SLC27A2: variants seen among roughly 807,000 people sequenced by gnomAD.
The protein encoded by SLC27A2 is long-chain fatty acid transport protein 2.
In SLC27A2, 54 loss-of-function variants were observed where a neutral mutation model predicts 60.0. That is an observed-to-expected ratio of 0.90 (90% CI 0.72 to 1.13). The LOEUF is 1.13. Among genes scored for constraint, SLC27A2 ranks in the 50% most tolerant of loss-of-function variants. The pLI is 0.00. For missense variants in SLC27A2, 739 were observed against 777.6 expected, an observed-to-expected ratio of 0.95 and a Z score of 0.59; for synonymous variants, 297 against 297.6, an observed-to-expected ratio of 1.00 and a Z score of 0.02.
chr15:50,197,580 A>G lies in SLC27A2; in HGVS notation c.559A>G (p.Asn187Asp), dbSNP rs2045033691. Residue 187 changes from asparagine to aspartate, a missense_variant, in exon 2 of 10, where the codon AAC becomes GAC. By Grantham distance (23) the Asn-to-Asp change is conservative. Transcript: ENST00000267842. Reference protein sequence around the residue: ...VSIYYVSRTSNTDGIDSFLDK... With the variant: ...VSIYYVSRTSDTDGIDSFLDK... The stretch of plus-strand genomic sequence containing the variant: ...CATCTATTATGTGAGCAGAACTTCT[A>G]ACACAGATGGGATTGACTCTTTCCT... 6.2e-7 allele frequency: 1 copy of G among 1,613,960 alleles called. No individual in the cohort carries two copies. Among genetic ancestry groups the G allele is most frequent in the South Asian group, 1.1e-5 (1 of 91,078 alleles).
intron 9 of SLC27A2, 54 bp downstream of exon 9, chr15:50,234,052 A>T (rs17848313): frequency 0.14 from 211,819 of 1,485,036 alleles, 15,881 homozygotes; most frequent in Middle Eastern, 0.17. Context: ...GATTCCTACC[A>T]CTTAGGGAAC....
rs544781491 is a variant in SLC27A2, at chr15:50,224,237, G to A, written c.1167+1078G>A. Among the ~76,000 whole-genome samples, 12 of 152,236 alleles carry A rather than the reference G, an allele frequency of 7.9e-5. No individual in the cohort carries two copies. In the East Asian group the frequency reaches 2.1e-3, roughly 27 times the overall value. On this transcript the variant is annotated intron_variant, in intron 5 of 9. Transcript: ENST00000267842. The stretch of plus-strand genomic sequence containing the variant: ...AGGTGGATCATGAGATCAGGAGATC[G>A]AGACCATCCTGGCTAACACGGTGAA...
chr15:50,183,527 G>A (rs1187314628), intron 1 of SLC27A2, among the ~76,000 whole-genome samples: 3 of 152,122 alleles, frequency 2.0e-5, no homozygotes, highest in Non-Finnish European at 4.4e-5. Context: ...TCTGCTACAG[G>A]ACCGTTGTGA....
chr15:50,234,136 A>G (rs2045333756), intron 9 of SLC27A2, 138 bp downstream of exon 9: 1 of 847,604 alleles, frequency 1.2e-6, no homozygotes, highest in Non-Finnish European at 1.8e-6. Flanking sequence ...GAAAAGTGTC[A>G]TAGACCAATA....
chr15:50,210,393 G>A (rs28715026), intron 4 of SLC27A2, among the ~76,000 whole-genome samples: 188 of 152,320 alleles, frequency 1.2e-3, no homozygotes, highest in African/African-American at 4.2e-3. Flanking sequence ...AGGTCTGTTT[G>A]TAGAACTTCC....
At chr15:50,217,626 A>C (rs1024843059) in intron 4 of SLC27A2, among the ~76,000 whole-genome samples, 1 of 151,920 alleles carries the variant, frequency 6.6e-6, no homozygotes, top group Non-Finnish European at 1.5e-5. Context: ...TAGCCCCCTC[A>C]CCCTGCCCCC....
chr15:50,184,052 G>A (rs1038968912), intron 1 of SLC27A2, among the ~76,000 whole-genome samples: 22 of 139,306 alleles, frequency 1.6e-4, no homozygotes, highest in African/African-American at 5.4e-4. Context: ...GTGCAGTGGC[G>A]CTATTTCAGT....
intron 1 of SLC27A2, among the ~76,000 whole-genome samples, chr15:50,196,079 T>TAAAAA (rs1567428414): frequency 1.6e-4 from 1 of 6,134 alleles, no homozygotes; most frequent in Non-Finnish European, 2.6e-4. Flanking sequence ...AAAAAAAAAA[T>TAAAAA]ATATATATAT....
rs186479136 is a variant in SLC27A2, at chr15:50,234,077, C to G, written c.1686+79C>G. 2.9e-5 allele frequency: 39 copies of G among 1,362,564 alleles called. 1 individual carries two copies. In the Admixed American group the frequency reaches 8.8e-4, roughly 31 times the overall value. The allele number at this position is 1,362,564 out of a possible 1,614,324, so 84.4% of individuals were successfully genotyped here. On this transcript the variant is annotated intron_variant, in intron 9 of 9. Coordinates refer to ENST00000267842, the MANE Select transcript of SLC27A2 (RefSeq NM_003645.4). ...ACTTAGGGAACAACTCGCCTTCTCC[C>G]AGGATGACTACATTTGCCAAGTTTT...
chr15:50,188,698 G>T (rs958316871), intron 1 of SLC27A2, among the ~76,000 whole-genome samples: 6 of 152,332 alleles, frequency 3.9e-5, no homozygotes, highest in Admixed American at 2.6e-4. Flanking sequence ...GGTGGCTCAT[G>T]CCTGTAATCC....
intron 4 of SLC27A2, among the ~76,000 whole-genome samples, chr15:50,206,737 G>T (rs569560228): frequency 1.3e-5 from 2 of 152,060 alleles, no homozygotes; most frequent in Non-Finnish European, 2.9e-5. Flanking sequence ...CCAGATCTAC[G>T]GCACCAAGAT....
intron 4 of SLC27A2, chr15:50,221,762 A>G (rs1182153556): frequency 6.6e-6 from 1 of 152,254 alleles, no homozygotes; most frequent in Non-Finnish European, 1.5e-5. Context: ...CTGATAGAAT[A>G]AAGGTCATAG....
At chr15:50,219,180 T>C (rs558597816) in intron 4 of SLC27A2, among the ~76,000 whole-genome samples, 187 of 152,222 alleles carry the variant, frequency 1.2e-3, no homozygotes, top group Non-Finnish European at 2.0e-3. Flanking sequence ...TCTACCACAA[T>C]AGGAAATCTG....
intron 1 of SLC27A2, among the ~76,000 whole-genome samples, chr15:50,186,054 A>G (rs2044919411): frequency 6.6e-6 from 1 of 151,632 alleles, no homozygotes; most frequent in Non-Finnish European, 1.5e-5. Flanking sequence ...CCTGGGCAAC[A>G]TGATGAAACC....
Position 50,197,677 on chromosome 15 carries a change from C to T in SLC27A2, c.656C>T (p.Pro219Leu), listed in dbSNP as rs2045034783. 6.2e-7 allele frequency: 1 copy of T among 1,613,766 alleles called. No homozygotes were observed. The highest frequency in any genetic ancestry group is 1.3e-5 in the African/African-American group (1 of 74,914). ...SWRSEVTFST[P>L]ALYIYTSGTT... ...AGGTCTGAAGTCACTTTTTCCACTC[C>T]TGCCTTATACATTTATACTTCTGGA... The change falls in exon 2 of 10, where the codon CCT becomes CTT. Residue 219 changes from proline to leucine, a missense_variant. Transcript: ENST00000267842.
chr15:50,203,549 G>A (rs1267774484), intron 3 of SLC27A2, among the ~76,000 whole-genome samples: 1 of 152,074 alleles, frequency 6.6e-6, no homozygotes, highest in African/African-American at 2.4e-5. Flanking sequence ...TTCTGACTGA[G>A]CTAAATAAAC....
At chr15:50,183,994 CT>C (rs577766814) in intron 1 of SLC27A2, among the ~76,000 whole-genome samples, 1,903 of 91,128 alleles carry the variant, frequency 0.021, 67 homozygotes, top group African/African-American at 0.067. Context: ...TTTCCTACAT[CT>C]TTTTTTTTTT....
intron 1 of SLC27A2, among the ~76,000 whole-genome samples, chr15:50,185,562 T>TA (rs34656914): frequency 1.0e-3 from 143 of 141,470 alleles, no homozygotes; most frequent in African/African-American, 2.5e-3. Flanking sequence ...TGTTATACTT[T>TA]AAAAAAAAAA....
chr15:50,201,969 C>T (rs1328073308), intron 2 of SLC27A2, among the ~76,000 whole-genome samples: 2 of 152,218 alleles, frequency 1.3e-5, no homozygotes, highest in Admixed American at 1.3e-4. Flanking sequence ...TCTCAGCCTT[C>T]ACATCTGTGG....
Sources: gnomAD v4.1 joint callset for allele counts (sites outside exome capture counted in the v4.1 genomes callset) on GRCh38, gnomAD v4.1.1 for gene constraint, MANE v1.5 for transcripts, NCBI Gene and HGNC (gene_info 2026-07-23, HGNC 2026-07-21) for gene names.